SLTM: variants seen among roughly 807,000 people sequenced by gnomAD.
SLTM encodes SAFB-like transcription modulator.
A neutral mutation model predicts 134.6 loss-of-function variants in SLTM; 43 were observed. The observed-to-expected ratio is 0.32, with a 90% CI of 0.25 to 0.41. SLTM has a LOEUF of 0.41. SLTM is among the 10% of genes least tolerant of loss of function. The pLI is 1.00. For synonymous variants in SLTM, 424 were observed against 432.3 expected (o/e 0.98, Z 0.24); for missense variants, 1,055 against 1,288.8 (o/e 0.82, Z 2.78).
chr15:58,893,706 A>G (rs1389917570), intron 12 of SLTM, 115 bp downstream of exon 12: 32 of 1,143,302 alleles, frequency 2.8e-5, no homozygotes, highest in Non-Finnish European at 3.7e-5. Flanking sequence ...TTCCTACCAC[A>G]ATGACACCTA....
intron 2 of SLTM, among the ~76,000 whole-genome samples, chr15:58,926,900 C>T (rs1397112929): frequency 1.3e-5 from 2 of 152,110 alleles, no homozygotes; most frequent in Non-Finnish European, 2.9e-5. Context: ...GTGTGAGCCA[C>T]CGCGCCTGGC....
chr15:58,917,678 G>A (rs559173814), intron 2 of SLTM, among the ~76,000 whole-genome samples: 25 of 152,260 alleles, frequency 1.6e-4, no homozygotes, highest in Admixed American at 7.8e-4. Flanking sequence ...ATAGCTTTCC[G>A]ACAAACTACA....
chr15:58,920,302 CAG>C (rs1387488775), intron 2 of SLTM, among the ~76,000 whole-genome samples: 1 of 151,762 alleles, frequency 6.6e-6, no homozygotes, highest in Non-Finnish European at 1.5e-5. Context: ...GCCTGAGAGA[CAG>C]AGCGACACTC....
intron 2 of SLTM, among the ~76,000 whole-genome samples, chr15:58,919,469 G>A (rs1244851562): frequency 2.0e-5 from 3 of 152,050 alleles, no homozygotes; most frequent in Non-Finnish European, 4.4e-5. Flanking sequence ...GTGTCGCGGT[G>A]TATGCCGGTA....
intron 20 of SLTM, among the ~76,000 whole-genome samples, chr15:58,880,435 C>T (rs2033602911): frequency 6.6e-6 from 1 of 152,166 alleles, no homozygotes; most frequent in African/African-American, 2.4e-5. Flanking sequence ...GACCCCAAAC[C>T]AGCAGCAGCA....
At chr15:58,882,261 G>C (rs577359203) in intron 20 of SLTM, among the ~76,000 whole-genome samples, 165 of 151,144 alleles carry the variant, frequency 1.1e-3, no homozygotes, top group African/African-American at 3.7e-3. Context: ...CAGTCAGGGT[G>C]AATGAAATGG....
intron 5 of SLTM, among the ~76,000 whole-genome samples, chr15:58,908,012 T>TGTGTGC (rs2035989118): frequency 6.7e-6 from 1 of 150,060 alleles, no homozygotes; most frequent in Admixed American, 6.6e-5. Context: ...CGTGTGTGTG[T>TGTGTGC]GTGTGTGTGT....
chr15:58,883,102 G>A (rs1405536953), intron 20 of SLTM, among the ~76,000 whole-genome samples: 1 of 152,176 alleles, frequency 6.6e-6, no homozygotes, highest in Non-Finnish European at 1.5e-5. Context: ...ATCCCCTGAG[G>A]TCAGGAGTTC....
chr15:58,903,314 C>T (rs919311239), intron 5 of SLTM, among the ~76,000 whole-genome samples: 4 of 152,164 alleles, frequency 2.6e-5, no homozygotes, highest in African/African-American at 4.8e-5. Flanking sequence ...GGATTACAGG[C>T]ATGGGCCAGC....
chr15:58,881,863 C>A (rs2033739812), intron 20 of SLTM, among the ~76,000 whole-genome samples: 1 of 151,802 alleles, frequency 6.6e-6, no homozygotes, highest in South Asian at 2.1e-4. Flanking sequence ...TCCCAAAGTA[C>A]TGGGATTACA....
chr15:58,911,741 T>G (rs1315257078), intron 5 of SLTM, among the ~76,000 whole-genome samples: 1 of 152,214 alleles, frequency 6.6e-6, no homozygotes, highest in Non-Finnish European at 1.5e-5. Flanking sequence ...GTACACTATG[T>G]GTATCACATA....
At position 58,879,938 on chromosome 15, in the gene SLTM, C is replaced by A. The variant is rs1261012191; in HGVS notation, c.*61G>T. 6.3e-7 allele frequency: 1 copy of A among 1,578,600 alleles called. No homozygotes were observed. On this transcript the variant is annotated 3_prime_UTR_variant, in exon 21 of 21. Coordinates refer to ENST00000380516, the MANE Select transcript of SLTM (RefSeq NM_024755.4). ...GTCAGAGGTCCTCTTCATAAGTAGT[C>A]AAGTAAAGTTTACAGGAGATTTCAA...
intron 14 of SLTM, 56 bp downstream of exon 14, chr15:58,892,841 A>T: frequency 6.6e-7 from 1 of 1,512,608 alleles, no homozygotes; most frequent in South Asian, 1.2e-5. Flanking sequence ...GCTTACAACT[A>T]GTGTTAAATA....
intron 6 of SLTM, chr15:58,900,898 G>A (rs879740967): frequency 1.1e-5 from 2 of 189,092 alleles, no homozygotes; most frequent in Non-Finnish European, 2.2e-5. Flanking sequence ...TTCACTGTGA[G>A]TTATGCACTA....
At chr15:58,906,040 T>C (rs575022489) in intron 5 of SLTM, among the ~76,000 whole-genome samples, 2 of 152,316 alleles carry the variant, frequency 1.3e-5, no homozygotes, top group South Asian at 2.1e-4. Flanking sequence ...TAAATGCCTA[T>C]TGATTTTACT....
rs1170946351 is a variant in SLTM, at chr15:58,883,635, T to G, written c.2987A>C (p.Gln996Pro). 1 of 1,614,112 alleles carries G rather than the reference T, an allele frequency of 6.2e-7. No individual in the cohort carries two copies. The highest frequency in any genetic ancestry group is 1.7e-5 in the Admixed American group (1 of 60,022). Residue 996 changes from glutamine (Q) to proline (P), a missense_variant, in exon 20 of 21, where the codon CAA (glutamine) becomes CCA (proline). By Grantham distance (76) the Gln-to-Pro change is moderately conservative (BLOSUM62 -1). Around this residue, in one of 3 missense-constraint regions of SLTM, gnomAD observed 776 missense variants for 962.2 expected, o/e 0.81. Coordinates refer to ENST00000380516, the MANE Select transcript of SLTM (RefSeq NM_024755.4). ...DGRAGAGMIT[Q>P]HSSNASPINR... is the part of the protein sequence containing the mutation. ...CTGGTTAGTTATTTACCTTGAATGT[T>G]GGGTTATCATGCCTGCTCCTGCCCG...
chr15:58,925,711 T>C (rs1472065841), intron 2 of SLTM, among the ~76,000 whole-genome samples: 1 of 152,200 alleles, frequency 6.6e-6, no homozygotes, highest in South Asian at 2.1e-4. Context: ...ATGCCAAAGG[T>C]ATATTTTTCA....
At position 58,913,697 on chromosome 15, in the gene SLTM, CT is replaced by C; in HGVS notation, c.316-2del. ...CCTCTTGATTCTCCAATTCACAGTCCTTTTAATGGTAAGAAAATTTGGTACA... is the reference window on the plus strand; with the variant it reads ...CCTCTTGATTCTCCAATTCACAGTCCTTTAATGGTAAGAAAATTTGGTACA... On this transcript the variant is annotated splice_acceptor_variant, in intron 3 of 20. Transcript: ENST00000380516. LOFTEE classifies it high-confidence loss of function. 6.2e-7 allele frequency: 1 copy of C among 1,612,200 alleles called. No homozygotes were observed. Among genetic ancestry groups the C allele is most frequent in the Non-Finnish European group, 8.5e-7 (1 of 1,179,234 alleles).
In SLTM at chr15:58,933,549, C is replaced by T; in HGVS notation, c.17G>A (p.Gly6Asp). MAAAT[G>D]AVAASAASGQ... ...CGAGGCGGCCGAGGCTGCCACCGCA[C>T]CGGTAGCGGCAGCCATCTTAGAAGA... The change falls in exon 1 of 21, where the codon GGT becomes GAT. Residue 6 changes from glycine to aspartate, a missense_variant. This residue lies in a region of SLTM where 268 missense variants were observed against 284.3 expected (regional missense o/e 0.94). Coordinates refer to ENST00000380516, the MANE Select transcript of SLTM (RefSeq NM_024755.4). 1 of 1,594,382 alleles carries T rather than the reference C, an allele frequency of 6.3e-7. No homozygotes were observed. Among genetic ancestry groups the T allele is most frequent in the Non-Finnish European group, 8.5e-7 (1 of 1,171,884 alleles).
Sources: gnomAD v4.1 joint callset for allele counts (sites outside exome capture counted in the v4.1 genomes callset) on GRCh38, gnomAD v4.1.1 for gene constraint, gnomAD v4.1.1 regional missense constraint, MANE v1.5 for transcripts, NCBI Gene and HGNC (gene_info 2026-07-23, HGNC 2026-07-21) for gene names.